Variants in CCDC7 observed in about 807,000 individuals in gnomAD.
The protein encoded by CCDC7 is coiled-coil domain-containing protein 7.
CCDC7 carries 183 observed loss-of-function variants against 196.9 expected under a neutral mutation model. The ratio of observed to expected loss-of-function variants is 0.93; its 90% CI spans 0.82 to 1.05. CCDC7 has a LOEUF of 1.05. Among genes scored for constraint, CCDC7 ranks in the 50% least tolerant of loss-of-function variants. The pLI is 0.00. For synonymous variants in CCDC7, 525 were observed against 484.6 expected (o/e 1.08, Z -1.10); for missense variants, 1,540 against 1,482.2 (o/e 1.04, Z -0.64).
At chr10:32,863,823 C>T (rs780723821) in intron 41 of CCDC7, among the ~76,000 whole-genome samples, 124 of 151,806 alleles carry the variant, frequency 8.2e-4, no homozygotes, top group Non-Finnish European at 1.4e-3. Context: ...GAGAAAAGAT[C>T]TTTGATGCTG....
intron 11 of CCDC7, among the ~76,000 whole-genome samples, chr10:32,522,151 CT>C (rs2047975009): frequency 6.6e-6 from 1 of 152,046 alleles, no homozygotes; most frequent in Non-Finnish European, 1.5e-5. Flanking sequence ...TTTTGAAGAG[CT>C]TTTGTCTAGA....
intron 18 of CCDC7, among the ~76,000 whole-genome samples, chr10:32,602,170 A>G (rs537608106): frequency 7.7e-4 from 117 of 152,186 alleles, no homozygotes; most frequent in African/African-American, 2.7e-3. Context: ...ACTGGAAGGA[A>G]CAAACAACTC....
chr10:32,661,310 A>T (rs1188469892), intron 20 of CCDC7, among the ~76,000 whole-genome samples: 3 of 151,100 alleles, frequency 2.0e-5, no homozygotes, highest in Middle Eastern at 6.3e-3. Context: ...ATCATTAAAA[A>T]GTCAGGAAAC....
chr10:32,733,871 A>G (rs2084401298), intron 28 of CCDC7, among the ~76,000 whole-genome samples: 1 of 152,216 alleles, frequency 6.6e-6, no homozygotes, highest in African/African-American at 2.4e-5. Context: ...AATCAAAACC[A>G]TAGTGAGATA....
At chr10:32,473,368 T>C (rs16933379) in intron 7 of CCDC7, among the ~76,000 whole-genome samples, 14,430 of 152,248 alleles carry the variant, frequency 0.095, 904 homozygotes, top group East Asian at 0.33. Flanking sequence ...ACTGGATTGG[T>C]ATTAGAGTAA....
At position 32,522,695 on chromosome 10, in the gene CCDC7, T is replaced by C. The variant is rs149989642; in HGVS notation, c.993+4190T>C. Among the ~76,000 whole-genome samples the C allele has an allele frequency of 8.4e-3, 1,276 of 152,260 alleles. 27 individuals are homozygous for C. Among genetic ancestry groups the C allele is most frequent in the African/African-American group, 0.028 (1,175 of 41,570 alleles). Reference sequence around the variant, plus strand: ...CTGCTCTGATCTTTATTATTTCTTCTACTAATTTTGGGTTTGGTTTGCTGT... The same window carrying C: ...CTGCTCTGATCTTTATTATTTCTTCCACTAATTTTGGGTTTGGTTTGCTGT... On this transcript the variant is annotated intron_variant, in intron 11 of 41. Coordinates refer to ENST00000639629, the Ensembl canonical transcript of CCDC7.
intron 22 of CCDC7, among the ~76,000 whole-genome samples, chr10:32,882,292 G>A (rs1283516327): frequency 6.6e-6 from 1 of 152,124 alleles, no homozygotes; most frequent in African/African-American, 2.4e-5. Flanking sequence ...TCTTCTTAGA[G>A]GCAGATTAAG....
At chr10:32,609,023 T>C (rs1282954215) in intron 18 of CCDC7, among the ~76,000 whole-genome samples, 1 of 152,238 alleles carries the variant, frequency 6.6e-6, no homozygotes, top group Non-Finnish European at 1.5e-5. Context: ...GCTGGTTTTG[T>C]AGCCTAAGAT....
At chr10:32,669,700 G>A (rs957934791) in intron 21 of CCDC7, among the ~76,000 whole-genome samples, 4 of 151,948 alleles carry the variant, frequency 2.6e-5, no homozygotes, top group African/African-American at 9.7e-5. Context: ...ATGATCTTTT[G>A]TATCTCTGTG....
At chr10:32,492,652 A>C (rs1008678438) in intron 9 of CCDC7, among the ~76,000 whole-genome samples, 3 of 152,128 alleles carry the variant, frequency 2.0e-5, no homozygotes, top group Non-Finnish European at 4.4e-5. Context: ...TCATAGACAC[A>C]GAAGATAGAA....
chr10:32,851,369 A>G (rs578128955), intron 39 of CCDC7, among the ~76,000 whole-genome samples: 36 of 152,184 alleles, frequency 2.4e-4, no homozygotes, highest in African/African-American at 8.7e-4. Context: ...TGTTTCAAAG[A>G]TTTATTAAGT....
intron 5 of CCDC7, among the ~76,000 whole-genome samples, chr10:32,468,645 C>T (rs1252655289): frequency 6.6e-6 from 1 of 152,140 alleles, no homozygotes; most frequent in Non-Finnish European, 1.5e-5. Flanking sequence ...GAGAGGGCAC[C>T]TCAAGGAATG....
chr10:32,454,737 C>T (rs2033927369), intron 2 of CCDC7, among the ~76,000 whole-genome samples: 1 of 152,050 alleles, frequency 6.6e-6, no homozygotes, highest in South Asian at 2.1e-4. Context: ...TCACATCAAC[C>T]ACTAATGGAC....
At chr10:32,567,277 G>A (rs2136946683) in intron 14 of CCDC7, among the ~76,000 whole-genome samples, 1 of 151,244 alleles carries the variant, frequency 6.6e-6, no homozygotes, top group East Asian at 1.9e-4. Flanking sequence ...TATTCCAGAA[G>A]AAATAAATTG....
intron 24 of CCDC7, among the ~76,000 whole-genome samples, chr10:32,705,445 C>G (rs898965441): frequency 6.6e-6 from 1 of 152,110 alleles, no homozygotes. Flanking sequence ...ATCAAAATGA[C>G]AGGATCAAAT....
Position 32,495,430 on chromosome 10 carries a change from A to C in CCDC7, c.872+3433A>C, listed in dbSNP as rs892447838. ...TTTGTCAATTTTGGCTTCTGTTGCC[A>C]TTGTTTTTGGTGTTTTAGTCATGAA... On this transcript the variant is annotated intron_variant, in intron 9 of 41. Transcript: ENST00000639629. 2.1e-4 allele frequency among the ~76,000 whole-genome samples: 32 copies of C among 152,040 alleles called. 1 individual carries two copies. The highest frequency in any genetic ancestry group is 3.8e-4 in the Non-Finnish European group (26 of 67,994).
At chr10:32,685,939 T>A in intron 21 of CCDC7, 31 bp from the exon 23 acceptor site, 1 of 1,047,776 alleles carries the variant, frequency 9.5e-7, no homozygotes, top group Non-Finnish European at 1.3e-6. Flanking sequence ...ATTTTTCTAT[T>A]TAGTGGAATA....
At chr10:32,511,820 G>A (rs1169883439) in intron 9 of CCDC7, 6 of 925,270 alleles carry the variant, frequency 6.5e-6, no homozygotes, top group Non-Finnish European at 1.0e-5. Context: ...CGCCAGCTCT[G>A]CCCGCGCCAC....
intron 28 of CCDC7, among the ~76,000 whole-genome samples, chr10:32,743,639 G>A (rs549773937): frequency 6.6e-6 from 1 of 152,068 alleles, no homozygotes; most frequent in Non-Finnish European, 1.5e-5. Context: ...CCATTACTGG[G>A]TATATACCCA....
Sources: allele counts gnomAD v4.1 joint callset (sites outside exome capture counted in the v4.1 genomes callset), GRCh38; gene constraint gnomAD v4.1.1; transcripts MANE v1.5; gene names NCBI Gene and HGNC (gene_info 2026-07-23, HGNC 2026-07-21).